The following SYK variants were observed in gnomAD, a reference collection of about 807,000 sequenced individuals.
SYK encodes spleen associated tyrosine kinase, also known as tyrosine-protein kinase SYK.
In SYK, 16 loss-of-function variants were observed where a neutral mutation model predicts 77.8. That is an observed-to-expected ratio of 0.21 (90% CI 0.14 to 0.31). The LOEUF is 0.31. SYK is among the 10% of genes least tolerant of loss of function. The pLI, the probability that SYK is intolerant of heterozygous loss-of-function variation, is 1.00. For synonymous variants in SYK, 312 were observed against 308.7 expected, an observed-to-expected ratio of 1.01 and a Z score of -0.11; for missense variants, 529 against 814.4, an observed-to-expected ratio of 0.65 and a Z score of 4.26.
chr9:90,814,531 C>A (rs1363854324), intron 1 of SYK, among the ~76,000 whole-genome samples: 1 of 152,166 alleles, frequency 6.6e-6, no homozygotes, highest in African/African-American at 2.4e-5. Flanking sequence ...CTGCCAGACA[C>A]CAAGCTGCTC....
intron 10 of SYK, 27 bp downstream of exon 10, chr9:90,877,807 G>A: frequency 6.2e-7 from 1 of 1,612,716 alleles, no homozygotes; most frequent in Non-Finnish European, 8.5e-7. Flanking sequence ...CCACACATCT[G>A]GAAGCTATCC....
intron 11 of SYK, among the ~76,000 whole-genome samples, chr9:90,881,155 C>T (rs1227793686): frequency 1.3e-5 from 2 of 152,066 alleles, no homozygotes; most frequent in Admixed American, 6.5e-5. Context: ...GTCAAAGAGT[C>T]AAAGAACATG....
chr9:90,825,623 G>A (rs1226574614), intron 1 of SYK, among the ~76,000 whole-genome samples: 1 of 152,192 alleles, frequency 6.6e-6, no homozygotes, highest in Non-Finnish European at 1.5e-5. Flanking sequence ...ACAGGGACAT[G>A]TTTATCCTGA....
At chr9:90,805,439 G>T (rs1057376547) in intron 1 of SYK, among the ~76,000 whole-genome samples, 2 of 152,190 alleles carry the variant, frequency 1.3e-5, no homozygotes, top group African/African-American at 4.8e-5. Flanking sequence ...CAGGCAAGCT[G>T]CAGGTCTACC....
At chr9:90,877,195 T>G (rs2118884897) in intron 9 of SYK, among the ~76,000 whole-genome samples, 1 of 152,184 alleles carries the variant, frequency 6.6e-6, no homozygotes, top group South Asian at 2.1e-4. Context: ...GACTACAGGC[T>G]TGCACTGTCA....
chr9:90,877,229 A>G (rs1325180278), intron 9 of SYK, among the ~76,000 whole-genome samples: 1 of 151,928 alleles, frequency 6.6e-6, no homozygotes, highest in Non-Finnish European at 1.5e-5. Context: ...TTTTTTAGAG[A>G]TGGGGGTCTC....
intron 1 of SYK, among the ~76,000 whole-genome samples, chr9:90,837,648 C>T (rs950772790): frequency 2.1e-4 from 32 of 152,132 alleles, no homozygotes; most frequent in African/African-American, 7.5e-4. Flanking sequence ...TTGTGAGCCT[C>T]ACTCCACCTT....
At chr9:90,887,405 C>CTTTTTTTTTTTTTTTTTT in intron 11 of SYK, among the ~76,000 whole-genome samples, 1 of 128,940 alleles carries the variant, frequency 7.8e-6, no homozygotes, top group Non-Finnish European at 1.6e-5. Context: ...TTCTTTCTTT[C>CTTTTTTTTTTTTTTTTTT]TTTTTTTTTT....
chr9:90,845,350 A>T, intron 2 of SYK, 84 bp from the exon 3 acceptor site: 1 of 1,442,980 alleles, frequency 6.9e-7, no homozygotes, highest in South Asian at 1.3e-5. Flanking sequence ...CCATGCCAGG[A>T]CTCGAGATAG....
At chr9:90,838,770 T>C (rs1244921423) in intron 1 of SYK, among the ~76,000 whole-genome samples, 1 of 152,214 alleles carries the variant, frequency 6.6e-6, no homozygotes, top group Non-Finnish European at 1.5e-5. Context: ...CTAAACACTA[T>C]TTGGAAGAAA....
At chr9:90,850,531 T>G (rs1455950059) in intron 3 of SYK, among the ~76,000 whole-genome samples, 1 of 151,318 alleles carries the variant, frequency 6.6e-6, no homozygotes. Flanking sequence ...ATATATATAT[T>G]ATTATTATTA....
chr9:90,828,403 C>T (rs1040708494), intron 1 of SYK, among the ~76,000 whole-genome samples: 6 of 152,080 alleles, frequency 3.9e-5, no homozygotes, highest in Non-Finnish European at 8.8e-5. Flanking sequence ...GCATATTCAA[C>T]GTGAGTTCTT....
intron 7 of SYK, among the ~76,000 whole-genome samples, chr9:90,871,531 C>G (rs953131309): frequency 2.0e-5 from 3 of 152,150 alleles, no homozygotes; most frequent in Non-Finnish European, 4.4e-5. Context: ...TTTAACTGAG[C>G]ATTTTCTTTT....
chr9:90,879,102 G>A, intron 11 of SYK, 149 bp downstream of exon 11: 1 of 554,768 alleles, frequency 1.8e-6, no homozygotes, highest in Non-Finnish European at 3.2e-6. Context: ...TATAATCTTT[G>A]ATTTTACTGT....
Position 90,874,755 on chromosome 9 carries a change from G to T in SYK, c.1087G>T (p.Val363Phe). 4 of 1,614,122 alleles carry T rather than the reference G, an allele frequency of 2.5e-6. No homozygotes were observed. Among genetic ancestry groups the T allele is most frequent in the Non-Finnish European group, 3.4e-6 (4 of 1,180,022 alleles). ...ADPEEIRPKE[V>F]YLDRKLLTLE... ...CCCCGAGGAGATCAGGCCCAAGGAGGTTTACCTGGACCGAAAGCTGCTGAC... is the reference window on the plus strand; with the variant it reads ...CCCCGAGGAGATCAGGCCCAAGGAGTTTTACCTGGACCGAAAGCTGCTGAC... Residue 363 changes from valine (V) to phenylalanine (F), a missense_variant, in exon 9 of 14, where the codon GTT (valine) becomes TTT (phenylalanine). This residue lies in a region of SYK where 208 missense variants were observed against 381.3 expected (regional missense o/e 0.55). Transcript: ENST00000375754.
intron 7 of SYK, among the ~76,000 whole-genome samples, chr9:90,870,934 T>C (rs1827705998): frequency 6.6e-6 from 1 of 152,230 alleles, no homozygotes; most frequent in African/African-American, 2.4e-5. Context: ...CACTTGGCAA[T>C]ACTCTGGAAT....
intron 3 of SYK, among the ~76,000 whole-genome samples, chr9:90,856,819 A>T (rs922491532): frequency 6.6e-6 from 1 of 151,962 alleles, no homozygotes; most frequent in African/African-American, 2.4e-5. Context: ...GTTTTCAGTG[A>T]TCTTTCTGAG....
upstream of SYK, among the ~76,000 whole-genome samples, chr9:90,801,632 G>A (rs1826732269): frequency 6.6e-6 from 1 of 152,214 alleles, no homozygotes; most frequent in Non-Finnish European, 1.5e-5. Context: ...CGCCGCCTGG[G>A]CCGATTCCGC....
At chr9:90,892,236 G>C (rs748913870) in intron 13 of SYK, among the ~76,000 whole-genome samples, 1 of 152,136 alleles carries the variant, frequency 6.6e-6, no homozygotes, top group Non-Finnish European at 1.5e-5. Context: ...TTCTAGAGAA[G>C]GCGCTAGGAG....
Sources: gnomAD v4.1 joint callset for allele counts (sites outside exome capture counted in the v4.1 genomes callset) on GRCh38, gnomAD v4.1.1 for gene constraint, gnomAD v4.1.1 regional missense constraint, MANE v1.5 for transcripts, NCBI Gene and HGNC (gene_info 2026-07-23, HGNC 2026-07-21) for gene names.